The following PRKAR1A variants were observed in gnomAD, a reference collection of about 807,000 sequenced individuals.
PRKAR1A encodes protein kinase cAMP-dependent type I regulatory subunit alpha.
A neutral mutation model predicts 52.0 loss-of-function variants in PRKAR1A; 3 were observed. That is an observed-to-expected ratio of 0.06 (90% CI 0.03 to 0.15). PRKAR1A has a LOEUF of 0.15. Among genes scored for constraint, PRKAR1A ranks in the 10% least tolerant of loss-of-function variants. The pLI is 1.00. For missense variants in PRKAR1A, 240 were observed against 477.4 expected (o/e 0.50, Z 4.63); for synonymous variants, 188 against 168.4 (o/e 1.12, Z -0.90).
the PRKAR1A span, among the ~76,000 whole-genome samples, chr17:68,429,704 C>A: frequency 1.3e-5 from 2 of 151,978 alleles, no homozygotes; most frequent in African/African-American, 2.4e-5. Flanking sequence ...TTCTCCTGCC[C>A]CAACCTCCCA....
chr17:68,459,128 T>C, the PRKAR1A span, among the ~76,000 whole-genome samples: 67 of 152,350 alleles, frequency 4.4e-4, no homozygotes, highest in African/African-American at 1.6e-3. Context: ...GATTCACAGA[T>C]GTTATTGCTC....
the PRKAR1A span, among the ~76,000 whole-genome samples, chr17:68,437,478 C>G: frequency 1.3e-5 from 2 of 151,828 alleles, no homozygotes; most frequent in African/African-American, 4.8e-5. Context: ...TTGCTTAAAC[C>G]TGGAGGTGGA....
the PRKAR1A span, chr17:68,457,450 CG>C: frequency 2.0e-5 from 29 of 1,472,078 alleles, no homozygotes; most frequent in Admixed American, 2.5e-5. Flanking sequence ...AGCCGCAGCT[CG>C]GAGCCGGCGA....
At chr17:68,426,251 G>GGGGGGGGGT in the PRKAR1A span, 14 of 825,460 alleles carry the variant, frequency 1.7e-5, 2 homozygotes, top group East Asian at 3.4e-5. Context: ...GTGGGGAGCG[G>GGGGGGGGGT]GGGCTCAAAT....
rs538042981 is a variant in PRKAR1A at position 68,540,083 on chromosome 17, C to T, written c.973+10082C>T. 270 of 819,460 alleles carry T rather than the reference C, an allele frequency of 3.3e-4. 1 individual carries two copies. The highest frequency in any genetic ancestry group is 5.0e-4 in the Non-Finnish European group (238 of 480,174). 50.8% of individuals were successfully genotyped at this position (819,460 alleles called of 1,614,324 possible). On this transcript the variant is annotated intron_variant, in intron 11 of 11. Transcript: ENST00000585981. Reference sequence around the variant, plus strand: ...ATCACTTGAGAGACAGGGGTGTGAACGAAGCTGGGCCTCACACTGTCATTT... The same window carrying T: ...ATCACTTGAGAGACAGGGGTGTGAATGAAGCTGGGCCTCACACTGTCATTT...
At chr17:68,535,347 A>G (rs1479657605), downstream of PRKAR1A, 1 of 454,168 alleles carries the variant, frequency 2.2e-6, no homozygotes, top group East Asian at 6.9e-5. Context: ...TGTAGAGTGC[A>G]GCAAAATGTG....
At chr17:68,448,518 T>A in the PRKAR1A span, 6 of 152,132 alleles carry the variant, frequency 3.9e-5, no homozygotes, top group Admixed American at 2.6e-4. Flanking sequence ...TCACAGTTAA[T>A]GAGTATTATA....
chr17:68,422,887 T>C, the PRKAR1A span, among the ~76,000 whole-genome samples: 5 of 152,146 alleles, frequency 3.3e-5, no homozygotes, highest in Non-Finnish European at 5.9e-5. Context: ...TCCTCCCGAA[T>C]GTAGCAGCTT....
chr17:68,543,515 G>GAAAGCCA (rs1228276057), intron 11 of PRKAR1A: 35 of 909,884 alleles, frequency 3.8e-5, no homozygotes, highest in Non-Finnish European at 6.1e-5. Context: ...GAAGAAGATA[G>GAAAGCCA]AAAGCCAGAA....
chr17:68,536,020 C>A, downstream of PRKAR1A: 2 of 454,106 alleles, frequency 4.4e-6, no homozygotes, highest in Non-Finnish European at 8.8e-6. Flanking sequence ...TGTGTTGCTT[C>A]TGTAGCGTTG....
chr17:68,543,859 G>A, intron 11 of PRKAR1A: 1 of 762,866 alleles, frequency 1.3e-6, no homozygotes, highest in Non-Finnish European at 2.3e-6. Context: ...GGCACGGCAA[G>A]TCAGGAATGG....
chr17:68,448,956 C>T, the PRKAR1A span, among the ~76,000 whole-genome samples: 2 of 152,194 alleles, frequency 1.3e-5, no homozygotes, highest in Non-Finnish European at 2.9e-5. Context: ...ACTTCTCTTT[C>T]TCCAGCTATT....
At chr17:68,490,465 C>A in the PRKAR1A span, among the ~76,000 whole-genome samples, 1 of 152,200 alleles carries the variant, frequency 6.6e-6, no homozygotes, top group Non-Finnish European at 1.5e-5. Context: ...CTATTCTGAT[C>A]TGGGTTATAA....
the PRKAR1A span, among the ~76,000 whole-genome samples, chr17:68,463,564 G>T: frequency 6.6e-6 from 1 of 152,186 alleles, no homozygotes; most frequent in Non-Finnish European, 1.5e-5. Flanking sequence ...TATCTTAGAT[G>T]GTGATAAGTG....
downstream of PRKAR1A, among the ~76,000 whole-genome samples, chr17:68,538,056 A>G (rs1337414487): frequency 1.3e-5 from 2 of 152,178 alleles, no homozygotes; most frequent in Non-Finnish European, 2.9e-5. Context: ...GATACTTAGG[A>G]TTTTTCAAGG....
chr17:68,536,732 T>C (rs1224829645), downstream of PRKAR1A: 1 of 454,094 alleles, frequency 2.2e-6, no homozygotes, highest in South Asian at 1.6e-5. Context: ...TGGAGGACTT[T>C]CCTTTTTTTT....
chr17:68,486,316 G>C, the PRKAR1A span, among the ~76,000 whole-genome samples: 5 of 152,056 alleles, frequency 3.3e-5, no homozygotes, highest in African/African-American at 1.2e-4. Context: ...GGAGGCACAA[G>C]CTCCTTATCT....
At chr17:68,415,338 C>T in the PRKAR1A span, among the ~76,000 whole-genome samples, 47 of 152,194 alleles carry the variant, frequency 3.1e-4, 1 homozygote, top group Non-Finnish European at 6.8e-4. Flanking sequence ...TCTGAAGGTT[C>T]CTTTGGAATG....
intron 9 of PRKAR1A, 42 bp downstream of exon 9, chr17:68,529,033 G>A: frequency 6.2e-7 from 1 of 1,611,424 alleles, no homozygotes; most frequent in Non-Finnish European, 8.5e-7. Flanking sequence ...TAGAGGTAAA[G>A]AACTCAGAAT....
Sources: gnomAD v4.1 joint callset for allele counts (sites outside exome capture counted in the v4.1 genomes callset) on GRCh38, gnomAD v4.1.1 for gene constraint, MANE v1.5 for transcripts, NCBI Gene and HGNC (gene_info 2026-07-23, HGNC 2026-07-21) for gene names.